The following ZNF488 variants were observed in gnomAD, a reference collection of about 807,000 sequenced individuals.
The protein encoded by ZNF488 is zinc finger protein 488.
A neutral mutation model predicts 1.2 loss-of-function variants in ZNF488; 1 was observed. The ratio of observed to expected loss-of-function variants is 0.86; its 90% CI spans 0.30 to 4.07. The LOEUF (loss-of-function observed/expected upper bound fraction) is 4.07, where lower values mean the gene tolerates loss of function less well. ZNF488 is among the 30% of genes most tolerant of loss of function. ZNF488 has a pLI of 0.18. For missense variants in ZNF488, 450 were observed against 437.9 expected, an observed-to-expected ratio of 1.03 and a Z score of -0.25; for synonymous variants, 185 against 190.1, an observed-to-expected ratio of 0.97 and a Z score of 0.22.
intron 1 of ZNF488, among the ~76,000 whole-genome samples, chr10:47,382,660 T>C (rs953421336): frequency 7.2e-5 from 11 of 152,258 alleles, no homozygotes; most frequent in African/African-American, 2.2e-4. Context: ...CACAGTTCCA[T>C]GCACATACCT....
In ZNF488 at chr10:47,368,070, A is replaced by C. The variant is rs1045806945; in HGVS notation, c.760T>G (p.Ser254Ala). 3 of 1,613,950 alleles carry C rather than the reference A, an allele frequency of 1.9e-6. No individual in the cohort carries two copies. Among genetic ancestry groups the C allele is most frequent in the Non-Finnish European group, 1.7e-6 (2 of 1,180,006 alleles). ...TQAQVPPPSS[S>A]STTSWALLPP... ...AGGAGGGCCCACGAAGTGGTGGAGG[A>C]TGATGAGGGTGGGGGCACCTGGGCC... Residue 254 changes from serine to alanine, a missense_variant, in exon 2 of 2, where the codon TCC becomes GCC. Transcript: ENST00000585316.
In ZNF488 at chr10:47,368,563, C is replaced by A; in HGVS notation, c.267G>T (p.Leu89=). 1.2e-6 allele frequency: 2 copies of A among 1,612,418 alleles called. No homozygotes were observed. Among genetic ancestry groups the A allele is most frequent in the Non-Finnish European group, 1.7e-6 (2 of 1,179,882 alleles). The change falls in exon 2 of 2, where the codon CTG becomes CTT. Residue 89 remains leucine, a synonymous_variant. Transcript: ENST00000585316. ...TCTGCTCTCCACGTGTCTTCGGGGG[C>A]AGCGGCTTGCCAGGTCGGGGCTTGC... ...APGKPRPGKP[L]PPKTRGEQRQ...
rs782068074 is a variant in ZNF488 at position 47,368,225 on chromosome 10, G to T, written c.605C>A (p.Ala202Asp). The change falls in exon 2 of 2, where the codon GCT becomes GAT. Residue 202 changes from alanine to aspartate, a missense_variant. Coordinates refer to ENST00000585316, the MANE Select transcript of ZNF488 (RefSeq NM_153034.4). ...LSGLLNTTDLACWGRLSTPKL... is the reference protein window; with the variant it reads ...LSGLLNTTDLDCWGRLSTPKL... ...GGGAGTTGAAAGTCGACCCCAACAAGCGAGGTCTGTAGTGTTGAGGAGTCC... is the reference window on the plus strand; with the variant it reads ...GGGAGTTGAAAGTCGACCCCAACAATCGAGGTCTGTAGTGTTGAGGAGTCC... 6.2e-7 allele frequency: 1 copy of T among 1,614,212 alleles called. No individual in the cohort carries two copies.
At position 47,367,609 on chromosome 10, in the gene ZNF488, T is replaced by G; in HGVS notation, c.*198A>C. ...CCCTGGATTTGCAAAGCCCATCACT[T>G]TATTTCAGGACTTCATTTCCTTCAA... On this transcript the variant is annotated 3_prime_UTR_variant, in exon 2 of 2. Transcript: ENST00000585316. 1.5e-6 allele frequency: 1 copy of G among 684,248 alleles called. No homozygotes were observed. Among genetic ancestry groups the G allele is most frequent in the Middle Eastern group, 4.2e-4 (1 of 2,400 alleles). The allele number at this position is 684,248 out of a possible 1,614,324, so 42.4% of individuals were successfully genotyped here. A position where few individuals can be genotyped will look rare whatever the true frequency, so the allele number is the denominator to read the frequency against.
At chr10:47,369,546 G>C (rs1378392265) in intron 1 of ZNF488, among the ~76,000 whole-genome samples, 1 of 152,116 alleles carries the variant, frequency 6.6e-6, no homozygotes, top group African/African-American at 2.4e-5. Context: ...TTGCTCCTCG[G>C]TCTACCAGAC....
chr10:47,375,681 A>T (rs1837653045), intron 1 of ZNF488, among the ~76,000 whole-genome samples: 1 of 152,252 alleles, frequency 6.6e-6, no homozygotes, highest in South Asian at 2.1e-4. Flanking sequence ...AAGTTCTGAC[A>T]TATGTTCATT....
At chr10:47,373,910 C>G (rs534356941) in intron 1 of ZNF488, among the ~76,000 whole-genome samples, 3 of 152,246 alleles carry the variant, frequency 2.0e-5, no homozygotes, top group African/African-American at 7.2e-5. Flanking sequence ...ACATTCTGCT[C>G]TTAGGTGCTC....
At chr10:47,375,993 T>G (rs1376439856) in intron 1 of ZNF488, among the ~76,000 whole-genome samples, 1 of 152,176 alleles carries the variant, frequency 6.6e-6, no homozygotes, top group East Asian at 1.9e-4. Context: ...TGTTTATGGG[T>G]AAGATCACAT....
intron 1 of ZNF488, among the ~76,000 whole-genome samples, chr10:47,376,854 C>A (rs1378877843): frequency 6.6e-6 from 1 of 152,244 alleles, no homozygotes; most frequent in Non-Finnish European, 1.5e-5. Context: ...TATTTCCCTC[C>A]AGAGCTTGCA....
Position 47,365,834 on chromosome 10 carries a change from G to A in ZNF488, c.*1973C>T, listed in dbSNP as rs1837197618. The A allele has an allele frequency of 6.0e-6, 1 of 167,228 alleles. No homozygotes were observed. Among genetic ancestry groups the A allele is most frequent in the Non-Finnish European group, 1.5e-5 (1 of 68,210 alleles). 10.4% of individuals were successfully genotyped at this position (167,228 alleles called of 1,614,324 possible). On this transcript the variant is annotated 3_prime_UTR_variant, in exon 2 of 2. Coordinates refer to ENST00000585316, the MANE Select transcript of ZNF488 (RefSeq NM_153034.4). ...GATAGAAAATGTTGAATGAAGCCCAGGCTTGAGAAACGGCACCAGAGCTGT... is the reference window on the plus strand; with the variant it reads ...GATAGAAAATGTTGAATGAAGCCCAAGCTTGAGAAACGGCACCAGAGCTGT...
intron 1 of ZNF488, among the ~76,000 whole-genome samples, chr10:47,382,332 G>T (rs1446992843): frequency 6.6e-6 from 1 of 152,342 alleles, no homozygotes; most frequent in East Asian, 1.9e-4. Context: ...ACCTTCCCAG[G>T]TTCCAACAAT....
At chr10:47,380,151 A>G (rs3934670) in intron 1 of ZNF488, among the ~76,000 whole-genome samples, 772 of 151,714 alleles carry the variant, frequency 5.1e-3, no homozygotes, top group African/African-American at 0.018. Context: ...CCGGGCTCTC[A>G]CCCCCTGACA....
At chr10:47,370,085 T>C (rs1404522447) in intron 1 of ZNF488, among the ~76,000 whole-genome samples, 5 of 152,084 alleles carry the variant, frequency 3.3e-5, no homozygotes, top group Non-Finnish European at 5.9e-5. Context: ...GAGAGGAGAA[T>C]GTGAGCCCTC....
rs782023072 is a variant in ZNF488, at chr10:47,368,144, AGT to A, written c.684_685del (p.Cys230Ter). ...AGGGGCACCCAGAAAAGTGCTACAGAGTGGAGCATTCTGTGGCAATGCTTGCA... is the reference window on the plus strand; with the variant it reads ...AGGGGCACCCAGAAAAGTGCTACAGAGGAGCATTCTGTGGCAATGCTTGCA... On this transcript the variant is annotated frameshift_variant, in exon 2 of 2. Transcript: ENST00000585316. LOFTEE classifies it low-confidence loss of function (END_TRUNC). 2.5e-6 allele frequency: 4 copies of A among 1,614,168 alleles called. No individual in the cohort carries two copies. The highest frequency in any genetic ancestry group is 3.4e-6 in the Non-Finnish European group (4 of 1,180,034).
Position 47,368,056 on chromosome 10 carries a change from C to A in ZNF488, c.774G>T (p.Ser258=). ...VPPPSSSSTT[S]WALLPPTLTS... is the part of the protein sequence containing the mutation. ...TGAGGGTGGGTGGCAGGAGGGCCCA[C>A]GAAGTGGTGGAGGATGATGAGGGTG... Residue 258 remains serine, a synonymous_variant, in exon 2 of 2, where the codon TCG becomes TCT. Coordinates refer to ENST00000585316, the MANE Select transcript of ZNF488 (RefSeq NM_153034.4). The A allele has an allele frequency of 6.2e-7, 1 of 1,613,922 alleles. No individual in the cohort carries two copies.
At chr10:47,372,819 C>T (rs925586452) in intron 1 of ZNF488, among the ~76,000 whole-genome samples, 10 of 152,328 alleles carry the variant, frequency 6.6e-5, no homozygotes, top group East Asian at 1.9e-4. Context: ...TGAGATGCCA[C>T]GCACCTGGCC....
chr10:47,375,220 A>G (rs1555214282), intron 1 of ZNF488, among the ~76,000 whole-genome samples: 1 of 152,258 alleles, frequency 6.6e-6, no homozygotes, highest in African/African-American at 2.4e-5. Context: ...AAACTAAACT[A>G]TACAAACTTA....
At chr10:47,375,917 G>C (rs138380572) in intron 1 of ZNF488, among the ~76,000 whole-genome samples, 1 of 152,278 alleles carries the variant, frequency 6.6e-6, no homozygotes, top group Non-Finnish European at 1.5e-5. Context: ...CAGAAAGAAC[G>C]GCACACGCGA....
intron 1 of ZNF488, among the ~76,000 whole-genome samples, chr10:47,375,449 T>G (rs1837645429): frequency 6.6e-6 from 1 of 152,202 alleles, no homozygotes; most frequent in East Asian, 1.9e-4. Flanking sequence ...TTTATGGAAA[T>G]GCTATAAATC....
Sources: allele counts gnomAD v4.1 joint callset (sites outside exome capture counted in the v4.1 genomes callset), GRCh38; gene constraint gnomAD v4.1.1; transcripts MANE v1.5; gene names NCBI Gene and HGNC (gene_info 2026-07-23, HGNC 2026-07-21).